NYAP2: variants seen among roughly 807,000 people sequenced by gnomAD.
The protein encoded by NYAP2 is neuronal tyrosine-phosphorylated phosphoinositide-3-kinase adapter 2.
Under a neutral mutation model 50.4 loss-of-function variants are expected in NYAP2, and 23 were observed. The ratio of observed to expected loss-of-function variants is 0.46; its 90% CI spans 0.33 to 0.65. The LOEUF (loss-of-function observed/expected upper bound fraction) is 0.65, where lower values mean the gene tolerates loss of function less well. Among genes scored for constraint, NYAP2 ranks in the 30% least tolerant of loss-of-function variants. NYAP2 has a pLI of 0.02. For missense variants in NYAP2, 885 were observed against 861.0 expected, an observed-to-expected ratio of 1.03 and a Z score of -0.35; for synonymous variants, 394 against 365.2, an observed-to-expected ratio of 1.08 and a Z score of -0.90.
the NYAP2 span, chr2:225,698,814 G>A: frequency 6.6e-6 from 1 of 151,770 alleles, no homozygotes; most frequent in African/African-American, 2.4e-5. Flanking sequence ...CACATTATAC[G>A]TATATAAATT....
intron 3 of NYAP2, among the ~76,000 whole-genome samples, chr2:225,502,685 C>A (rs529956490): frequency 3.8e-4 from 58 of 152,338 alleles, no homozygotes; most frequent in Middle Eastern, 6.8e-3. Context: ...TGAAGTCTTA[C>A]TCATGATCTG....
chr2:225,526,313 C>A (rs891064323), intron 4 of NYAP2, among the ~76,000 whole-genome samples: 3 of 152,150 alleles, frequency 2.0e-5, no homozygotes. Context: ...AGCAAAGCAC[C>A]TGGCTTAGTG....
chr2:225,579,091 A>AGG (rs1268234218), intron 4 of NYAP2, among the ~76,000 whole-genome samples: 82 of 148,068 alleles, frequency 5.5e-4, no homozygotes, highest in African/African-American at 2.0e-3. Flanking sequence ...GAGAGAAGAG[A>AGG]GGGGAGAGAG....
chr2:225,459,733 T>A (rs953948819), intron 3 of NYAP2, among the ~76,000 whole-genome samples: 33 of 152,248 alleles, frequency 2.2e-4, no homozygotes, highest in African/African-American at 5.5e-4. Flanking sequence ...AAGCTCCACC[T>A]CCCGGGTTCT....
chr2:225,596,392 CT>C (rs1349023547), intron 5 of NYAP2, among the ~76,000 whole-genome samples: 12 of 152,116 alleles, frequency 7.9e-5, no homozygotes, highest in Admixed American at 7.9e-4. Context: ...CATACTGAGT[CT>C]TTTTTATTGC....
At chr2:225,430,996 G>T (rs1030877263) in intron 3 of NYAP2, among the ~76,000 whole-genome samples, 3 of 152,122 alleles carry the variant, frequency 2.0e-5, no homozygotes, top group Non-Finnish European at 2.9e-5. Context: ...GAGAAGGAAA[G>T]ATGTAAAAAT....
downstream of NYAP2, among the ~76,000 whole-genome samples, chr2:225,655,465 A>G (rs907393542): frequency 3.3e-5 from 5 of 152,286 alleles, no homozygotes; most frequent in Admixed American, 3.3e-4. Flanking sequence ...TAGAAAGTTA[A>G]CTTATTTTCT....
chr2:225,557,799 C>T (rs1161681970), intron 4 of NYAP2, among the ~76,000 whole-genome samples: 1 of 152,104 alleles, frequency 6.6e-6, no homozygotes, highest in East Asian at 1.9e-4. Context: ...ATAAAAAGGG[C>T]TAAGTAGAAT....
At chr2:225,495,868 G>A (rs1028232498) in intron 3 of NYAP2, among the ~76,000 whole-genome samples, 3 of 152,180 alleles carry the variant, frequency 2.0e-5, no homozygotes, top group East Asian at 3.9e-4. Context: ...TGAGAAGACC[G>A]CAGACCAAAT....
intron 5 of NYAP2, among the ~76,000 whole-genome samples, chr2:225,619,882 T>A (rs1693059082): frequency 6.6e-6 from 1 of 152,216 alleles, no homozygotes; most frequent in Admixed American, 6.5e-5. Context: ...AATAAAATAA[T>A]ACATCCATTT....
chr2:225,622,463 T>C (rs1414330240), intron 5 of NYAP2, among the ~76,000 whole-genome samples: 3 of 152,234 alleles, frequency 2.0e-5, no homozygotes, highest in Non-Finnish European at 4.4e-5. Context: ...CTAAAGGTTG[T>C]AATTGTATTG....
intron 5 of NYAP2, among the ~76,000 whole-genome samples, chr2:225,591,722 A>G (rs1692508782): frequency 6.6e-6 from 1 of 152,166 alleles, no homozygotes; most frequent in Non-Finnish European, 1.5e-5. Context: ...ATTTGGCTCT[A>G]GAGTTTCTTC....
At chr2:225,459,626 A>ATTTATTTATTTATTTAT (rs1689792647) in intron 3 of NYAP2, among the ~76,000 whole-genome samples, 1 of 151,648 alleles carries the variant, frequency 6.6e-6, no homozygotes, top group African/African-American at 2.4e-5. Flanking sequence ...TCCTCTATTT[A>ATTTATTTATTTATTTAT]TTTATTTATT....
At chr2:225,649,039 T>G (rs747814237) in intron 6 of NYAP2, among the ~76,000 whole-genome samples, 4 of 152,092 alleles carry the variant, frequency 2.6e-5, no homozygotes, top group Non-Finnish European at 5.9e-5. Context: ...TTGGTTTCAT[T>G]AAAAGTAGCA....
chr2:225,516,143 G>T (rs781623878), intron 4 of NYAP2, among the ~76,000 whole-genome samples: 1 of 152,090 alleles, frequency 6.6e-6, no homozygotes, highest in Non-Finnish European at 1.5e-5. Context: ...CCATTCACTT[G>T]TCTTAAAAAT....
At chr2:225,626,424 G>A (rs1156902949) in intron 5 of NYAP2, among the ~76,000 whole-genome samples, 1 of 152,166 alleles carries the variant, frequency 6.6e-6, no homozygotes, top group African/African-American at 2.4e-5. Context: ...CAGGACACAG[G>A]AGGATGGACC....
At chr2:225,488,942 G>A (rs1690352539) in intron 3 of NYAP2, among the ~76,000 whole-genome samples, 1 of 152,168 alleles carries the variant, frequency 6.6e-6, no homozygotes, top group East Asian at 1.9e-4. Context: ...AAATAGGGAA[G>A]TGTGCCACCC....
intron 3 of NYAP2, among the ~76,000 whole-genome samples, chr2:225,431,445 C>T (rs920084872): frequency 4.6e-5 from 7 of 152,162 alleles, no homozygotes; most frequent in African/African-American, 1.7e-4. Context: ...ATTTTACAAA[C>T]AGGCAACTCC....
intron 3 of NYAP2, among the ~76,000 whole-genome samples, chr2:225,496,100 C>A (rs1039031453): frequency 6.6e-6 from 1 of 152,046 alleles, no homozygotes; most frequent in Admixed American, 6.6e-5. Flanking sequence ...TTGAGAAACA[C>A]AGAAAAGATT....
Sources: allele counts gnomAD v4.1 joint callset (sites outside exome capture counted in the v4.1 genomes callset), GRCh38; gene constraint gnomAD v4.1.1; transcripts MANE v1.5; gene names NCBI Gene and HGNC (gene_info 2026-07-23, HGNC 2026-07-21).